Variants in JAKMIP3 observed in about 807,000 individuals in gnomAD.
JAKMIP3 encodes janus kinase and microtubule-interacting protein 3.
In JAKMIP3, 58 loss-of-function variants were observed where a neutral mutation model predicts 118.5. The ratio of observed to expected loss-of-function variants is 0.49; its 90% CI spans 0.40 to 0.61. JAKMIP3 has a LOEUF of 0.61. Among genes scored for constraint, JAKMIP3 ranks in the 20% least tolerant of loss-of-function variants. JAKMIP3 has a pLI of 0.00. For synonymous variants in JAKMIP3, 486 were observed against 451.2 expected, an observed-to-expected ratio of 1.08 and a Z score of -0.98; for missense variants, 950 against 1,109.0, an observed-to-expected ratio of 0.86 and a Z score of 2.04.
intron 1 of JAKMIP3, among the ~76,000 whole-genome samples, chr10:132,078,805 C>T (rs925892020): frequency 6.6e-6 from 1 of 152,190 alleles, no homozygotes; most frequent in African/African-American, 2.4e-5. Flanking sequence ...TCCCTTGGCC[C>T]GGCCGCCAGA....
At chr10:132,138,470 G>A (rs2052404377) in intron 9 of JAKMIP3, among the ~76,000 whole-genome samples, 2 of 152,050 alleles carry the variant, frequency 1.3e-5, no homozygotes, top group African/African-American at 4.8e-5. Context: ...GCGCCCGCGT[G>A]TGTGGAGAGC....
chr10:132,176,421 G>A (rs948145073), intron 23 of JAKMIP3, among the ~76,000 whole-genome samples: 2 of 152,122 alleles, frequency 1.3e-5, no homozygotes, highest in Admixed American at 6.5e-5. Flanking sequence ...TGTGTGCCTC[G>A]CTCTTGCTGC....
At chr10:132,162,013 A>G (rs556090926) in intron 19 of JAKMIP3, among the ~76,000 whole-genome samples, 3 of 143,280 alleles carry the variant, frequency 2.1e-5, no homozygotes, top group Admixed American at 6.9e-5. Flanking sequence ...TTCCCTGCAC[A>G]CTCGCCCGGT....
intron 2 of JAKMIP3, among the ~76,000 whole-genome samples, chr10:132,115,920 A>G (rs764845396): frequency 6.6e-6 from 1 of 152,244 alleles, no homozygotes; most frequent in African/African-American, 2.4e-5. Context: ...GTGTCCAGCC[A>G]TAAGCGGGCA....
At chr10:132,065,702 G>C (rs1293997117), upstream of JAKMIP3, among the ~76,000 whole-genome samples, 1 of 152,112 alleles carries the variant, frequency 6.6e-6, no homozygotes, top group Non-Finnish European at 1.5e-5. This position sits in a 1 kb window ranked among gnomAD's most constrained non-coding sequence, Gnocchi z 5.6. Flanking sequence ...TCGGCCGCCC[G>C]GCCGTGCAGA....
intron 9 of JAKMIP3, among the ~76,000 whole-genome samples, chr10:132,139,091 C>T (rs4880237): frequency 0.024 from 2,849 of 119,172 alleles, 63 homozygotes; most frequent in Non-Finnish European, 0.028. Context: ...TGTGTGAGTG[C>T]GTGTATGTGT....
chr10:132,165,735 C>A (rs917018707), intron 21 of JAKMIP3, among the ~76,000 whole-genome samples: 4 of 152,246 alleles, frequency 2.6e-5, no homozygotes, highest in African/African-American at 9.6e-5. Flanking sequence ...TCCACCCTAG[C>A]CCTGCCCCGC....
chr10:132,037,296 A>C (rs2037542380), intron 1 of JAKMIP3, among the ~76,000 whole-genome samples: 1 of 151,854 alleles, frequency 6.6e-6, no homozygotes, highest in Non-Finnish European at 1.5e-5. Context: ...AGCCGCTGGG[A>C]GTTGGAGCGG....
rs2037863771 is a variant in JAKMIP3 at position 132,044,915 on chromosome 10, T to A, written c.-138+8177T>A. On this transcript the variant is annotated intron_variant, in intron 1 of 23. Coordinates refer to the JAKMIP3 transcript ENST00000657785. The surrounding 1 kb of genome is among the most constrained non-coding windows in gnomAD (Gnocchi z 5.3). ...GACTGGCGTGCTTCACCGTGTTGCA[T>A]GCGCGTCAGGATTTCCTTCCTTGAA... 6.6e-6 allele frequency among the ~76,000 whole-genome samples: 1 copy of A among 152,102 alleles called. No homozygotes were observed. Among genetic ancestry groups the A allele is most frequent in the Non-Finnish European group, 1.5e-5 (1 of 68,002 alleles).
intron 16 of JAKMIP3, among the ~76,000 whole-genome samples, chr10:132,150,964 C>T (rs1037807108): frequency 6.6e-6 from 1 of 152,054 alleles, no homozygotes; most frequent in Non-Finnish European, 1.5e-5. Context: ...ATCTATCATC[C>T]ATCATCCCTA....
At chr10:132,089,194 C>T (rs1044320626) in intron 1 of JAKMIP3, among the ~76,000 whole-genome samples, 2 of 152,008 alleles carry the variant, frequency 1.3e-5, no homozygotes, top group African/African-American at 4.8e-5. Flanking sequence ...AATGCGGGCC[C>T]TTTTTTGGTT....
chr10:132,056,302 C>T (rs1416870290), intron 1 of JAKMIP3, among the ~76,000 whole-genome samples: 11 of 152,182 alleles, frequency 7.2e-5, no homozygotes, highest in Non-Finnish European at 1.6e-4. Context: ...CCATCCCCAG[C>T]GTCTCTGCTG....
rs2037894863 is a variant in JAKMIP3, at chr10:132,045,889, G to A, written c.-138+9151G>A. Among the ~76,000 whole-genome samples the A allele has an allele frequency of 2.0e-5, 3 of 148,870 alleles. No individual in the cohort carries two copies. The South Asian group carries it at 6.3e-4, about 31-fold the overall frequency. ...GTAGAGGTTGCAGTAAGCTGAGATT[G>A]CATCACTGCACTCCAGCCTGGGTGA... On this transcript the variant is annotated intron_variant, in intron 1 of 23. Transcript: ENST00000657785.
At chr10:132,133,623 C>A in intron 4 of JAKMIP3, 96 bp downstream of exon 4, 2 of 1,192,278 alleles carry the variant, frequency 1.7e-6, no homozygotes, top group Non-Finnish European at 2.4e-6. Flanking sequence ...CCCAGGAGAC[C>A]AGAGCCCGAG....
intron 1 of JAKMIP3, among the ~76,000 whole-genome samples, chr10:132,048,195 T>C (rs1318435914): frequency 6.6e-6 from 1 of 152,254 alleles, no homozygotes; most frequent in African/African-American, 2.4e-5. Context: ...TGCTGGTTTC[T>C]CCTCGGGGAA....
chr10:132,126,532 G>A (rs553664677), intron 3 of JAKMIP3, among the ~76,000 whole-genome samples: 2 of 141,602 alleles, frequency 1.4e-5, no homozygotes, highest in East Asian at 2.3e-4. Flanking sequence ...TGAACTCCTG[G>A]CTCAACTGAT....
chr10:132,104,713 C>A lies in JAKMIP3; in HGVS notation c.-96C>A. The A allele has an allele frequency of 7.7e-7, 1 of 1,299,664 alleles. No homozygotes were observed. Among genetic ancestry groups the A allele is most frequent in the Non-Finnish European group, 1.1e-6 (1 of 936,330 alleles). The allele number at this position is 1,299,664 out of a possible 1,614,324, so 80.5% of individuals were successfully genotyped here. A position where few individuals can be genotyped will look rare whatever the true frequency, so the allele number is the denominator to read the frequency against. On this transcript the variant is annotated 5_prime_UTR_variant, in exon 2 of 24. In the 5' UTR this introduces an upstream ATG that the reference lacks. Transcript: ENST00000684848. ...AGTGTGACAGCAGCCCGGGTGACACCTGCTGGGAGCTTGGCGTGGACACCC... is the reference window on the plus strand; with the variant it reads ...AGTGTGACAGCAGCCCGGGTGACACATGCTGGGAGCTTGGCGTGGACACCC...
intron 11 of JAKMIP3, among the ~76,000 whole-genome samples, chr10:132,142,845 C>A (rs1319078881): frequency 6.6e-6 from 1 of 152,308 alleles, no homozygotes; most frequent in East Asian, 1.9e-4. Context: ...TTGGCCTCCC[C>A]ACCCCAAAAC....
intron 2 of JAKMIP3, among the ~76,000 whole-genome samples, chr10:132,116,431 C>T (rs1387888756): frequency 2.2e-5 from 3 of 136,126 alleles, no homozygotes; most frequent in Admixed American, 1.6e-4. Flanking sequence ...GTGTGTGCAA[C>T]GTGGAAGCTC....
Sources: allele counts gnomAD v4.1 joint callset (sites outside exome capture counted in the v4.1 genomes callset), GRCh38; gene constraint gnomAD v4.1.1; non-coding constraint Gnocchi (gnomAD v3.1); transcripts MANE v1.5; gene names NCBI Gene and HGNC (gene_info 2026-07-23, HGNC 2026-07-21).